The following HERC1 variants were observed in gnomAD, a reference collection of about 807,000 sequenced individuals.
HERC1 encodes the protein probable E3 ubiquitin-protein ligase HERC1.
Under a neutral mutation model 554.3 loss-of-function variants are expected in HERC1, and 160 were observed. That is an observed-to-expected ratio of 0.29 (90% CI 0.25 to 0.33). The LOEUF is 0.33. Ranked by LOEUF, HERC1 falls within the 10% of genes least tolerant of loss-of-function variation. HERC1 has a pLI of 1.00. For missense variants in HERC1, 4,919 were observed against 5,918.5 expected (o/e 0.83, Z 5.54); for synonymous variants, 2,175 against 2,131.7 (o/e 1.02, Z -0.56).
chr15:63,814,699 C>T (rs1042283459), intron 1 of HERC1, among the ~76,000 whole-genome samples: 2 of 152,038 alleles, frequency 1.3e-5, no homozygotes, highest in African/African-American at 2.4e-5. Flanking sequence ...GAACTCCTGG[C>T]CTCAAGTTAT....
intron 76 of HERC1, among the ~76,000 whole-genome samples, chr15:63,614,855 G>C (rs1417123370): frequency 2.0e-5 from 3 of 152,164 alleles, no homozygotes; most frequent in Non-Finnish European, 4.4e-5. Flanking sequence ...TCAATTTCTT[G>C]CAAGTTGAGG....
chr15:63,774,501 T>A (rs544789908), intron 2 of HERC1, among the ~76,000 whole-genome samples, 193 bp downstream of exon 2: 4 of 152,170 alleles, frequency 2.6e-5, no homozygotes, highest in Non-Finnish European at 4.4e-5. Context: ...GATGCAGTAG[T>A]CTTAACACTG....
rs186664736 is a variant in HERC1 at position 63,733,255 on chromosome 15, A to C, written c.2647-110T>G. The C allele has an allele frequency of 5.0e-5, 35 of 693,786 alleles. No individual in the cohort carries two copies. The Admixed American group carries it at 5.1e-4, about 10-fold the overall frequency. The allele number at this position is 693,786 out of a possible 1,614,324, so 43.0% of individuals were successfully genotyped here. On this transcript the variant is annotated intron_variant, in intron 13 of 77. Coordinates refer to ENST00000443617, the MANE Select transcript of HERC1 (RefSeq NM_003922.4). ...TAATCCACTTACTAGCTTAATAAAT[A>C]ATCATCTTCAGGAAGTACATAATTA...
At chr15:63,706,715 CT>C (rs34366173) in intron 25 of HERC1, 64 bp downstream of exon 25, 40,221 of 654,810 alleles carry the variant, frequency 0.061, 23 homozygotes, top group East Asian at 0.15. Flanking sequence ...TTACTATGCT[CT>C]TTTTTTTTTT....
intron 66 of HERC1, 135 bp from the exon 67 acceptor site, chr15:63,634,105 A>C: frequency 1.1e-6 from 1 of 908,900 alleles, no homozygotes; most frequent in Non-Finnish European, 1.7e-6. Context: ...TTCAGAGCAT[A>C]CTACAAATGT....
intron 1 of HERC1, among the ~76,000 whole-genome samples, chr15:63,776,830 G>C (rs192276242): frequency 6.6e-6 from 1 of 152,228 alleles, no homozygotes; most frequent in East Asian, 1.9e-4. Flanking sequence ...AAAAAACTCA[G>C]TGAAAGTGCA....
Position 63,692,496 on chromosome 15 carries a change from T to C in HERC1, c.5745A>G (p.Val1915=), listed in dbSNP as rs1355224226. 1.2e-6 allele frequency: 2 copies of C among 1,613,504 alleles called. No homozygotes were observed. Among genetic ancestry groups the C allele is most frequent in the Non-Finnish European group, 1.7e-6 (2 of 1,179,732 alleles). The part of the protein sequence containing the change: ...GDFLVFLRRV[V]SSKAIQSKMA... ...TTTTTGATTGAATTGCTTTTGAAGA[T>C]ACAACTCTGCGAAGAAAAACTAAAA... Residue 1915 remains valine, a synonymous_variant, in exon 31 of 78, where the codon GTA becomes GTG. Coordinates refer to ENST00000443617, the MANE Select transcript of HERC1 (RefSeq NM_003922.4). This position sits in a 1 kb window ranked among gnomAD's most constrained non-coding sequence, Gnocchi z 4.7.
Position 63,790,557 on chromosome 15 carries a change from G to A in HERC1, c.-26-14908C>T, listed in dbSNP as rs369010759. ...CGCACCACTGCACTCCAGCCTGGGC[G>A]ACACAGCAAGACTCCGTCTCAAAAA... is the stretch of plus-strand genomic sequence containing the variant. On this transcript the variant is annotated intron_variant, in intron 1 of 77. Transcript: ENST00000443617. Among the ~76,000 whole-genome samples the A allele has an allele frequency of 1.3e-4, 20 of 151,990 alleles. No individual in the cohort carries two copies. In the East Asian group the frequency reaches 2.7e-3, roughly 21 times the overall value.
In HERC1 at chr15:63,612,659, C is replaced by T. The variant is rs1356897433; in HGVS notation, c.14095-103G>A. On this transcript the variant is annotated intron_variant, in intron 76 of 77. Transcript: ENST00000443617. The surrounding 1 kb of genome is among the most constrained non-coding windows in gnomAD (Gnocchi z 5.0). Reference sequence around the variant, plus strand: ...CCTCCTGATGCCTGCTCGTCCGCTCCCCAGACCCTCTACTTGTTTCTCAGA... The same window carrying T: ...CCTCCTGATGCCTGCTCGTCCGCTCTCCAGACCCTCTACTTGTTTCTCAGA... 15 of 1,080,982 alleles carry T rather than the reference C, an allele frequency of 1.4e-5. No individual in the cohort carries two copies. The highest frequency in any genetic ancestry group is 2.0e-5 in the Non-Finnish European group (15 of 762,612). The allele number at this position is 1,080,982 out of a possible 1,614,324, so 67.0% of individuals were successfully genotyped here. A position where few individuals can be genotyped will look rare whatever the true frequency, so the allele number is the denominator to read the frequency against.
At chr15:63,735,739 T>C (rs928043963) in intron 12 of HERC1, among the ~76,000 whole-genome samples, 2 of 152,168 alleles carry the variant, frequency 1.3e-5, no homozygotes, top group Admixed American at 6.5e-5. Context: ...TCAATTTTTC[T>C]GTAAGTCAAT....
intron 1 of HERC1, among the ~76,000 whole-genome samples, chr15:63,833,163 C>A (rs1418660928): frequency 6.6e-6 from 1 of 152,226 alleles, no homozygotes; most frequent in East Asian, 1.9e-4. Context: ...TCATCATCCT[C>A]ATCTCACGCT....
In HERC1 at chr15:63,634,784, G is replaced by A; in HGVS notation, c.12519C>T (p.Asn4173=). Residue 4173 remains asparagine, a synonymous_variant, in exon 66 of 78, where the codon AAC becomes AAT. Coordinates refer to ENST00000443617, the MANE Select transcript of HERC1 (RefSeq NM_003922.4). ...YGRLGLGNTS[N]KKLPERVTAL... ...CAGTCACTCTCTCTGGAAGTTTTTT[G>A]TTAGAGGTATTTCCAAGACCCAGAC... is the stretch of plus-strand genomic sequence containing the variant. 6.2e-7 allele frequency: 1 copy of A among 1,613,198 alleles called. No individual in the cohort carries two copies. The highest frequency in any genetic ancestry group is 8.5e-7 in the Non-Finnish European group (1 of 1,179,504).
In HERC1 at chr15:63,669,715, G is replaced by A. The variant is rs1211531825; in HGVS notation, c.8046-17C>T. ...AACATTTGCCTTTAAGAAAATAACA[G>A]TGGTTAGCATAAAAATCCAATTTAC... On this transcript the variant is annotated splice_polypyrimidine_tract_variant and intron_variant, in intron 39 of 77. Transcript: ENST00000443617. 1.1e-5 allele frequency: 17 copies of A among 1,608,932 alleles called. 1 individual carries two copies. The South Asian group carries it at 1.4e-4, about 14-fold the overall frequency.
intron 18 of HERC1, 60 bp from the exon 19 acceptor site, chr15:63,723,415 A>G: frequency 4.5e-6 from 5 of 1,105,036 alleles, no homozygotes; most frequent in Non-Finnish European, 6.4e-6. Context: ...TACAGATAAA[A>G]TCTTACCACA....
At chr15:63,820,372 G>C (rs2077645188) in intron 1 of HERC1, among the ~76,000 whole-genome samples, 1 of 152,034 alleles carries the variant, frequency 6.6e-6, no homozygotes, top group African/African-American at 2.4e-5. Flanking sequence ...TGAATACTTG[G>C]TTATATAACA....
At position 63,729,661 on chromosome 15, in the gene HERC1, C is replaced by T. The variant is rs554157406; in HGVS notation, c.2869-12G>A. The T allele has an allele frequency of 1.2e-6, 2 of 1,612,772 alleles. No individual in the cohort carries two copies. The highest frequency in any genetic ancestry group is 2.7e-5 in the African/African-American group (2 of 74,986). On this transcript the variant is annotated splice_polypyrimidine_tract_variant and intron_variant, in intron 14 of 77. Coordinates refer to ENST00000443617, the MANE Select transcript of HERC1 (RefSeq NM_003922.4). ...CCAAATGCTTGATCCTAAAATGACA[C>T]ACAAAGGAAGTTTATATTTGAAGTG...
intron 2 of HERC1, among the ~76,000 whole-genome samples, chr15:63,773,444 CAAAAAAAA>C (rs370465670): frequency 5.5e-5 from 4 of 72,930 alleles, no homozygotes; most frequent in African/African-American, 1.0e-4. Flanking sequence ...GACTCTGTCT[CAAAAAAAA>C]AAAAAAAAAA....
At chr15:63,761,470 C>T (rs1267980861) in intron 3 of HERC1, among the ~76,000 whole-genome samples, 7 of 151,832 alleles carry the variant, frequency 4.6e-5, no homozygotes, top group Admixed American at 4.6e-4. Flanking sequence ...GCCTGTAGTC[C>T]CAGCTACTTG....
chr15:63,680,730 C>T lies in HERC1; in HGVS notation c.6272G>A (p.Gly2091Glu). Residue 2091 changes from glycine (G) to glutamate (E), a missense_variant, in exon 35 of 78, where the codon GGA becomes GAA. By Grantham distance (98) the Gly-to-Glu change is moderately conservative (BLOSUM62 -2). Coordinates refer to ENST00000443617, the MANE Select transcript of HERC1 (RefSeq NM_003922.4). The surrounding 1 kb of genome is among the most constrained non-coding windows in gnomAD (Gnocchi z 5.8). The stretch of plus-strand genomic sequence containing the variant: ...GTCATGTACTGGCCAGCGAGAAACT[C>T]CAACACACGTGCCTTCATTACCTCT... ...ENRGNEGTCV[G>E]VSRWPVHDFN... 6.2e-7 allele frequency: 1 copy of T among 1,613,008 alleles called. No individual in the cohort carries two copies. Among genetic ancestry groups the T allele is most frequent in the Non-Finnish European group, 8.5e-7 (1 of 1,179,028 alleles).
Sources: allele counts gnomAD v4.1 joint callset (sites outside exome capture counted in the v4.1 genomes callset), GRCh38; gene constraint gnomAD v4.1.1; non-coding constraint Gnocchi (gnomAD v3.1); transcripts MANE v1.5; gene names NCBI Gene and HGNC (gene_info 2026-07-23, HGNC 2026-07-21).